Variants in MGAT4C observed in about 807,000 individuals in gnomAD.
MGAT4C encodes MGAT4 family member C.
A neutral mutation model predicts 40.1 loss-of-function variants in MGAT4C; 19 were observed. That is an observed-to-expected ratio of 0.47 (90% CI 0.33 to 0.70). MGAT4C has a LOEUF of 0.70. Among genes scored for constraint, MGAT4C ranks in the 30% least tolerant of loss-of-function variants. MGAT4C has a pLI of 0.02. For synonymous variants in MGAT4C, 181 were observed against 187.1 expected, an observed-to-expected ratio of 0.97 and a Z score of 0.27; for missense variants, 491 against 563.2, an observed-to-expected ratio of 0.87 and a Z score of 1.30.
At chr12:86,567,328 A>G (rs990846031) in intron 2 of MGAT4C, among the ~76,000 whole-genome samples, 53 of 152,286 alleles carry the variant, frequency 3.5e-4, no homozygotes, top group African/African-American at 1.3e-3. Flanking sequence ...ACCAGGAGAC[A>G]CAACAATGAC....
chr12:86,463,506 C>T (rs1565779344), intron 2 of MGAT4C, among the ~76,000 whole-genome samples: 1 of 152,116 alleles, frequency 6.6e-6, no homozygotes. Flanking sequence ...AAGGATCATT[C>T]CTAATATCTT....
intron 1 of MGAT4C, among the ~76,000 whole-genome samples, chr12:86,733,042 T>C (rs1206024220): frequency 6.6e-6 from 1 of 152,036 alleles, no homozygotes; most frequent in Non-Finnish European, 1.5e-5. Context: ...TAGACGAAGA[T>C]TTGGAAGAAT....
intron 2 of MGAT4C, among the ~76,000 whole-genome samples, chr12:86,622,696 A>T (rs1962678160): frequency 6.6e-6 from 1 of 152,164 alleles, no homozygotes; most frequent in Non-Finnish European, 1.5e-5. Context: ...ATTAATGAGA[A>T]TACAAAACAT....
At chr12:86,018,267 G>A (rs1273992868) in intron 2 of MGAT4C, among the ~76,000 whole-genome samples, 1 of 152,128 alleles carries the variant, frequency 6.6e-6, no homozygotes, top group Non-Finnish European at 1.5e-5. Flanking sequence ...GCACTAAACT[G>A]TAACATTTTA....
At chr12:86,027,964 C>T (rs1285513827) in intron 2 of MGAT4C, 3 of 274,032 alleles carry the variant, frequency 1.1e-5, no homozygotes, top group African/African-American at 6.6e-5. Flanking sequence ...TTCTCACCAA[C>T]ATAATATTGT....
At chr12:85,996,849 C>T (rs893619038) in intron 2 of MGAT4C, among the ~76,000 whole-genome samples, 5 of 152,104 alleles carry the variant, frequency 3.3e-5, no homozygotes, top group African/African-American at 7.2e-5. Flanking sequence ...ATATGAATAT[C>T]GAAGTCCTCT....
chr12:86,731,350 C>T (rs1337514004), intron 1 of MGAT4C, among the ~76,000 whole-genome samples: 1 of 152,056 alleles, frequency 6.6e-6, no homozygotes, highest in African/African-American at 2.4e-5. Flanking sequence ...TTACTTCTTT[C>T]ACAGTGGTTT....
At chr12:86,445,460 T>C (rs1957316995) in intron 2 of MGAT4C, among the ~76,000 whole-genome samples, 1 of 152,186 alleles carries the variant, frequency 6.6e-6, no homozygotes, top group South Asian at 2.1e-4. Context: ...AACCGGAAAT[T>C]AGCAAAAGCA....
chr12:86,180,427 C>T (rs1887984784), intron 1 of MGAT4C, among the ~76,000 whole-genome samples: 1 of 152,158 alleles, frequency 6.6e-6, no homozygotes, highest in South Asian at 2.1e-4. Context: ...ATCCTTCAGA[C>T]CCTAGAGTGG....
chr12:86,774,295 C>CTCTCTT (rs1951696333), intron 1 of MGAT4C, among the ~76,000 whole-genome samples: 1 of 31,638 alleles, frequency 3.2e-5, no homozygotes, highest in Non-Finnish European at 8.1e-5. Flanking sequence ...TTCTTTCTTT[C>CTCTCTT]TTTCTTTCTT....
chr12:86,215,682 C>T (rs1259955197), intron 1 of MGAT4C, among the ~76,000 whole-genome samples: 1 of 152,094 alleles, frequency 6.6e-6, no homozygotes, highest in Non-Finnish European at 1.5e-5. Context: ...CTAGTTCTGA[C>T]GTTTTTAGCA....
chr12:86,607,292 T>C (rs1962075893), intron 2 of MGAT4C, among the ~76,000 whole-genome samples: 1 of 152,058 alleles, frequency 6.6e-6, no homozygotes, highest in African/African-American at 2.4e-5. Flanking sequence ...AATACTAATA[T>C]TTGACCCATG....
chr12:86,550,279 G>C (rs1217710924), intron 2 of MGAT4C, among the ~76,000 whole-genome samples: 1 of 152,158 alleles, frequency 6.6e-6, no homozygotes, highest in African/African-American at 2.4e-5. Context: ...CTTTACAGCA[G>C]TGTGAGAATG....
At chr12:86,230,006 C>A (rs772912778) in intron 1 of MGAT4C, among the ~76,000 whole-genome samples, 4 of 152,014 alleles carry the variant, frequency 2.6e-5, no homozygotes, top group Non-Finnish European at 5.9e-5. Context: ...CAATGTCAAT[C>A]TAACTAATCA....
chr12:86,360,657 T>C (rs1021045713), intron 3 of MGAT4C, among the ~76,000 whole-genome samples: 2 of 152,160 alleles, frequency 1.3e-5, no homozygotes, highest in African/African-American at 2.4e-5. Flanking sequence ...ACAAAATCAA[T>C]GTGCAAAAAT....
At chr12:86,267,612 C>T (rs1275895223) in intron 4 of MGAT4C, among the ~76,000 whole-genome samples, 1 of 152,028 alleles carries the variant, frequency 6.6e-6, no homozygotes, top group Non-Finnish European at 1.5e-5. Context: ...TTTTTATATG[C>T]ACTAGACTGT....
intron 2 of MGAT4C, among the ~76,000 whole-genome samples, chr12:86,000,456 A>T (rs1181413051): frequency 6.6e-6 from 1 of 152,162 alleles, no homozygotes; most frequent in Non-Finnish European, 1.5e-5. Context: ...TGACAAGTTA[A>T]ACAAAATGGA....
intron 3 of MGAT4C, among the ~76,000 whole-genome samples, chr12:86,368,745 G>A (rs919043076): frequency 6.6e-5 from 10 of 151,750 alleles, no homozygotes; most frequent in African/African-American, 2.4e-4. Flanking sequence ...GTCAGGAAAT[G>A]TACTTGGAAT....
intron 2 of MGAT4C, among the ~76,000 whole-genome samples, chr12:86,638,933 G>A (rs1963300203): frequency 6.6e-6 from 1 of 151,696 alleles, no homozygotes; most frequent in Admixed American, 6.6e-5. Flanking sequence ...TAGTAAACTT[G>A]AGAGCCCTAA....
Sources: allele counts gnomAD v4.1 joint callset (sites outside exome capture counted in the v4.1 genomes callset), GRCh38; gene constraint gnomAD v4.1.1; transcripts MANE v1.5; gene names NCBI Gene and HGNC (gene_info 2026-07-23, HGNC 2026-07-21).